PLEKHH2: variants seen among roughly 807,000 people sequenced by gnomAD.
PLEKHH2 encodes the protein pleckstrin homology domain-containing family H member 2.
A neutral mutation model predicts 187.9 loss-of-function variants in PLEKHH2; 129 were observed. That is an observed-to-expected ratio of 0.69 (90% CI 0.59 to 0.79). PLEKHH2 has a LOEUF of 0.79. Ranked by LOEUF, PLEKHH2 falls within the 30% of genes least tolerant of loss-of-function variation. The probability of loss-of-function intolerance (pLI) is 0.00; values close to 1 mark genes in which losing one functional copy is unlikely to be tolerated. For missense variants in PLEKHH2, 2,076 were observed against 1,751.2 expected (o/e 1.19, Z -3.31); for synonymous variants, 686 against 605.6 (o/e 1.13, Z -1.95).
chr2:43,706,513 A>G, intron 10 of PLEKHH2, 97 bp downstream of exon 10: 1 of 862,062 alleles, frequency 1.2e-6, no homozygotes, highest in African/African-American at 1.7e-5. Flanking sequence ...TTAACATTTT[A>G]CACAGGCTCT....
At chr2:43,678,737 AGTGGAG>A (rs1029434928) in intron 2 of PLEKHH2, 120 bp from the exon 3 acceptor site, 142 of 412,350 alleles carry the variant, frequency 3.4e-4, no homozygotes, top group East Asian at 1.6e-3. Context: ...TAGAGGTGGA[AGTGGAG>A]GTGGAGGTGG....
At chr2:43,683,959 AC>A (rs1244170100) in intron 3 of PLEKHH2, among the ~76,000 whole-genome samples, 1 of 152,160 alleles carries the variant, frequency 6.6e-6, no homozygotes, top group East Asian at 1.9e-4. Context: ...CCCCTCCAAC[AC>A]ACATTCAAGC....
At chr2:43,712,136 G>A in intron 14 of PLEKHH2, 89 bp from the exon 15 acceptor site, 1 of 1,486,574 alleles carries the variant, frequency 6.7e-7, no homozygotes, top group Non-Finnish European at 9.3e-7. Flanking sequence ...TCTGTGTTAA[G>A]TAATGACGTT....
intron 16 of PLEKHH2, among the ~76,000 whole-genome samples, chr2:43,722,751 C>G (rs1670543060): frequency 1.3e-5 from 2 of 152,054 alleles, no homozygotes; most frequent in Admixed American, 6.6e-5. Context: ...TTTTAAAATC[C>G]TTTCCATACT....
chr2:43,757,260 TTAAGG>T lies in PLEKHH2; in HGVS notation c.3941+2_3941+6del. On this transcript the variant is annotated splice_donor_variant and coding_sequence_variant, in exon 26 of 30. Transcript: ENST00000282406. LOFTEE classifies it high-confidence loss of function. ...TAGAGATGGCTGTTCTGAAGAGCAG[TTAAGG>T]TAAGGAAATCTTTGTAACTCTTTAT... 1 of 1,560,496 alleles carries T rather than the reference TTAAGG, an allele frequency of 6.4e-7. No homozygotes were observed. Among genetic ancestry groups the T allele is most frequent in the South Asian group, 1.2e-5 (1 of 80,494 alleles).
chr2:43,719,476 G>A (rs148018604), intron 15 of PLEKHH2, among the ~76,000 whole-genome samples: 35 of 152,290 alleles, frequency 2.3e-4, no homozygotes, highest in African/African-American at 8.2e-4. Flanking sequence ...AGCCTGCTCT[G>A]TCGCCCAGGC....
At chr2:43,744,041 A>G (rs1287144294) in intron 23 of PLEKHH2, 52 bp downstream of exon 23, 4 of 1,575,468 alleles carry the variant, frequency 2.5e-6, no homozygotes, top group African/African-American at 1.4e-5. Flanking sequence ...CAAAGAAGCT[A>G]CTCTTTACAA....
rs1354641784 is a variant in PLEKHH2, at chr2:43,765,705, C to T, written c.*107C>T. The T allele has an allele frequency of 2.9e-6, 3 of 1,040,932 alleles. No homozygotes were observed. The highest frequency in any genetic ancestry group is 2.7e-6 in the Non-Finnish European group (2 of 740,200). 64.5% of individuals were successfully genotyped at this position (1,040,932 alleles called of 1,614,324 possible). On this transcript the variant is annotated 3_prime_UTR_variant, in exon 30 of 30. Transcript: ENST00000282406. The stretch of plus-strand genomic sequence containing the variant: ...AGCACGGCAGCCACACACCGGTATT[C>T]CAAACCTTAACAATGAAGGGGGTTA...
rs1668993281 is a variant in PLEKHH2, at chr2:43,694,510, A to G, written c.416A>G (p.Asn139Ser). 4 of 1,552,604 alleles carry G rather than the reference A, an allele frequency of 2.6e-6. No homozygotes were observed. Among genetic ancestry groups the G allele is most frequent in the East Asian group, 2.3e-5 (1 of 42,764 alleles). Residue 139 changes from asparagine to serine, a missense_variant, in exon 5 of 30, where the codon AAT becomes AGT. Transcript: ENST00000282406. ...KIKEWVTVKL[N>S]ELELENQNLR... is the part of the protein sequence containing the mutation. ...AAAGAATGGGTAACAGTTAAGTTAAATGAGGTATTTATTGCTATATGTTTT... is the reference window on the plus strand; with the variant it reads ...AAAGAATGGGTAACAGTTAAGTTAAGTGAGGTATTTATTGCTATATGTTTT...
At position 43,700,343 on chromosome 2, in the gene PLEKHH2, A is replaced by G. The variant is rs1461938123; in HGVS notation, c.1385A>G (p.Gln462Arg). 6.2e-7 allele frequency: 1 copy of G among 1,614,234 alleles called. No homozygotes were observed. The highest frequency in any genetic ancestry group is 1.3e-5 in the African/African-American group (1 of 75,064). Residue 462 changes from glutamine (Q) to arginine (R), a missense_variant, in exon 8 of 30, where the codon CAG becomes CGG. Gln to Arg is a conservative substitution (Grantham distance 43). Coordinates refer to ENST00000282406, the MANE Select transcript of PLEKHH2 (RefSeq NM_172069.4). ...ALAKRHLSQP[Q>R]LSSDRMFGTN... ...GCCAAAAGGCACTTAAGCCAGCCAC[A>G]GTTAAGCTCTGACAGGATGTTTGGT... is the stretch of plus-strand genomic sequence containing the variant.
intron 3 of PLEKHH2, chr2:43,680,961 C>G (rs984431443): frequency 2.9e-6 from 3 of 1,048,290 alleles, no homozygotes; most frequent in Non-Finnish European, 2.7e-6. Context: ...ACTACATACA[C>G]TGGATTTCTA....
At position 43,747,260 on chromosome 2, in the gene PLEKHH2, T is replaced by A. The variant is rs142263325; in HGVS notation, c.3653+1297T>A. Among the ~76,000 whole-genome samples the A allele has an allele frequency of 4.0e-3, 615 of 152,052 alleles. 10 individuals carry two copies. Among genetic ancestry groups the A allele is most frequent in the African/African-American group, 0.014 (578 of 41,558 alleles). ...TCTACGGGTTAGTGAGGAAGACTAT[T>A]GTTGGGCATATCCTCACTCTAATGA... On this transcript the variant is annotated intron_variant, in intron 24 of 29. Coordinates refer to ENST00000282406, the MANE Select transcript of PLEKHH2 (RefSeq NM_172069.4).
chr2:43,706,417 G>T lies in PLEKHH2; in HGVS notation c.1821+1G>T. ...CCCAGTGTATACAACTTTGAAGGGG[G>T]TAACTCATTATTGTTATTGTTAAAA... On this transcript the variant is annotated splice_donor_variant, in intron 10 of 29. Coordinates refer to ENST00000282406, the MANE Select transcript of PLEKHH2 (RefSeq NM_172069.4). LOFTEE classifies it high-confidence loss of function. 3 of 1,554,980 alleles carry T rather than the reference G, an allele frequency of 1.9e-6. No homozygotes were observed. Among genetic ancestry groups the T allele is most frequent in the Non-Finnish European group, 2.7e-6 (3 of 1,131,032 alleles).
chr2:43,698,339 C>A (rs1188563081), intron 7 of PLEKHH2, among the ~76,000 whole-genome samples: 3 of 151,880 alleles, frequency 2.0e-5, no homozygotes, highest in African/African-American at 7.3e-5. Flanking sequence ...CCTTGACCTC[C>A]CAGACTCAAG....
intron 15 of PLEKHH2, among the ~76,000 whole-genome samples, chr2:43,719,314 C>T (rs538677119): frequency 4.1e-4 from 63 of 152,330 alleles, no homozygotes; most frequent in African/African-American, 1.4e-3. Flanking sequence ...ACTCAATTTA[C>T]AGTAATAGCT....
rs907372600 is a variant in PLEKHH2 at position 43,653,434 on chromosome 2, C to T, written c.123+8638C>T. Among the ~76,000 whole-genome samples, 7 of 152,142 alleles carry T rather than the reference C, an allele frequency of 4.6e-5. No individual in the cohort carries two copies. In the East Asian group the frequency reaches 1.4e-3, roughly 29 times the overall value. ...TTATATCAAACCCAGAATTCTGCAC[C>T]GAGGCCAATTATGAATTTTATTTGA... On this transcript the variant is annotated intron_variant, in intron 2 of 29. Coordinates refer to ENST00000282406, the MANE Select transcript of PLEKHH2 (RefSeq NM_172069.4).
At chr2:43,711,272 TG>T (rs1669952046) in intron 14 of PLEKHH2, 1 of 985,334 alleles carries the variant, frequency 1.0e-6, no homozygotes, top group Non-Finnish European at 1.2e-6. Context: ...ACATTATCAA[TG>T]TTTCCAGTGA....
intron 3 of PLEKHH2, among the ~76,000 whole-genome samples, chr2:43,682,992 C>T (rs747485860): frequency 6.6e-6 from 1 of 151,896 alleles, no homozygotes; most frequent in Non-Finnish European, 1.5e-5. Context: ...TTTTTATGGA[C>T]ATTGTCTTTT....
chr2:43,743,013 C>G, intron 22 of PLEKHH2, 95 bp downstream of exon 22: 1 of 961,454 alleles, frequency 1.0e-6, no homozygotes. Flanking sequence ...TTGTCAGCAC[C>G]TGGCAGTGAC....
Sources: allele counts gnomAD v4.1 joint callset (sites outside exome capture counted in the v4.1 genomes callset), GRCh38; gene constraint gnomAD v4.1.1; transcripts MANE v1.5; gene names NCBI Gene and HGNC (gene_info 2026-07-23, HGNC 2026-07-21).